PGM2: variants seen among roughly 807,000 people sequenced by gnomAD.
PGM2 encodes the protein phosphopentomutase.
Under a neutral mutation model 74.6 loss-of-function variants are expected in PGM2, and 57 were observed. The observed-to-expected ratio is 0.76, with a 90% CI of 0.62 to 0.95. The LOEUF is 0.95. Ranked by LOEUF, PGM2 falls within the 40% of genes least tolerant of loss-of-function variation. The pLI is 0.00. For missense variants in PGM2, 706 were observed against 741.9 expected (o/e 0.95, Z 0.56); for synonymous variants, 273 against 260.7 (o/e 1.05, Z -0.46).
intron 6 of PGM2, among the ~76,000 whole-genome samples, 197 bp from the exon 7 acceptor site, chr4:37,844,167 A>T (rs1282050316): frequency 4.6e-5 from 7 of 152,220 alleles, no homozygotes; most frequent in African/African-American, 1.4e-4. Flanking sequence ...TTTGCTGAAA[A>T]TAACTACAGA....
At chr4:37,842,852 A>G (rs1725767965) in intron 6 of PGM2, among the ~76,000 whole-genome samples, 1 of 152,116 alleles carries the variant, frequency 6.6e-6, no homozygotes, top group Admixed American at 6.5e-5. Flanking sequence ...TTGTAGAGAT[A>G]GGGTTTCACC....
In PGM2 at chr4:37,847,249, AAT is replaced by A. The variant is rs1303738685; in HGVS notation, c.1238_1239del (p.Ile413ArgfsTer11). 2 of 1,613,830 alleles carry A rather than the reference AAT, an allele frequency of 1.2e-6. No homozygotes were observed. Among genetic ancestry groups the A allele is most frequent in the East Asian group, 4.5e-5 (2 of 44,888 alleles). On this transcript the variant is annotated frameshift_variant, in exon 10 of 14. Transcript: ENST00000381967. LOFTEE classifies it high-confidence loss of function. ...KWMGNRAKQL[I>X]DQGKTVLFAF... ...GGATGGGAAACAGAGCCAAACAGCT[AAT>A]AGACCAGGGGAAAACTGTTTTATTT...
At position 37,839,884 on chromosome 4, in the gene PGM2, A is replaced by G. The variant is rs765440396; in HGVS notation, c.478A>G (p.Ile160Val). Residue 160 changes from isoleucine to valine, a missense_variant, in exon 5 of 14, where the codon ATC becomes GTC. Ile to Val is a conservative substitution (Grantham distance 29). Around this residue, in one of 3 missense-constraint regions of PGM2, gnomAD observed 332 missense variants for 334.9 expected, o/e 0.99. Transcript: ENST00000381967. ...ATCACATTTGAAACTTTGTGCTGGA[A>G]TCATGATAACTGCATCTCACAATCC... The part of the protein sequence containing the change: ...TVSHLKLCAG[I>V]MITASHNPKQ... 3.1e-6 allele frequency: 5 copies of G among 1,608,198 alleles called. 1 individual carries two copies. The South Asian group carries it at 4.4e-5, about 14-fold the overall frequency.
At position 37,862,884 on chromosome 4, in the gene PGM2, A is replaced by G. The variant is rs536903154; in HGVS notation, c.*1272A>G. 1.3e-5 allele frequency: 2 copies of G among 152,204 alleles called. No individual in the cohort carries two copies. Among genetic ancestry groups the G allele is most frequent in the East Asian group, 1.9e-4 (1 of 5,168 alleles). 9.4% of individuals were successfully genotyped at this position (152,204 alleles called of 1,614,324 possible). On this transcript the variant is annotated 3_prime_UTR_variant, in exon 14 of 14. Coordinates refer to ENST00000381967, the MANE Select transcript of PGM2 (RefSeq NM_018290.4). ...TAGAAGCCATATTTATGTTTATTTT[A>G]TAATGTTTTCTAGTGTCAAACTGTA...
At chr4:37,838,077 C>A (rs1355381739) in intron 4 of PGM2, among the ~76,000 whole-genome samples, 6 of 152,160 alleles carry the variant, frequency 3.9e-5, no homozygotes, top group Non-Finnish European at 8.8e-5. Context: ...GACGAGGTTT[C>A]ACCACGTTGG....
chr4:37,837,651 GATC>G (rs749553892), intron 4 of PGM2, 38 bp downstream of exon 4: 1 of 1,293,160 alleles, frequency 7.7e-7, no homozygotes, highest in Non-Finnish European at 1.1e-6. Context: ...CCTGTCACAT[GATC>G]AGGGATGGGA....
In PGM2 at chr4:37,834,636, GA is replaced by G; in HGVS notation, c.273del (p.Lys91AsnfsTer6). 1 of 1,584,192 alleles carries G rather than the reference GA, an allele frequency of 6.3e-7. No homozygotes were observed. Among genetic ancestry groups the G allele is most frequent in the Non-Finnish European group, 8.7e-7 (1 of 1,155,690 alleles). On this transcript the variant is annotated frameshift_variant, in exon 3 of 14. Coordinates refer to ENST00000381967, the MANE Select transcript of PGM2 (RefSeq NM_018290.4). LOFTEE classifies it high-confidence loss of function. ...QTTQGFCRYLEKQFSDLKQKG... is the reference protein window; with the variant it reads ...QTTQGFCRYLXKQFSDLKQKG... ...TTTGTAGGGATTTTGCAGATACCTGGAAAAACAATTCAGTGACTTAAAGCAG... is the reference window on the plus strand; with the variant it reads ...TTTGTAGGGATTTTGCAGATACCTGGAAAACAATTCAGTGACTTAAAGCAG...
At chr4:37,829,327 A>T (rs1056235986) in intron 1 of PGM2, among the ~76,000 whole-genome samples, 1 of 152,216 alleles carries the variant, frequency 6.6e-6, no homozygotes, top group Non-Finnish European at 1.5e-5. Flanking sequence ...AGGCTTCCCC[A>T]TCTATAAAAT....
At chr4:37,837,692 C>T in intron 4 of PGM2, 79 bp downstream of exon 4, 1 of 875,468 alleles carries the variant, frequency 1.1e-6, no homozygotes, top group East Asian at 2.4e-5. Context: ...GTCTTTAGGG[C>T]TATTGGGATT....
intron 1 of PGM2, among the ~76,000 whole-genome samples, chr4:37,827,043 A>G (rs1447414646): frequency 1.3e-5 from 2 of 152,224 alleles, no homozygotes; most frequent in African/African-American, 4.8e-5. Context: ...GAAACCAGCC[A>G]TCCGGCCGGC....
At chr4:37,845,816 T>C in intron 8 of PGM2, 86 bp downstream of exon 8, 1 of 874,142 alleles carries the variant, frequency 1.1e-6, no homozygotes, top group South Asian at 1.4e-5. Context: ...AGACGGGACC[T>C]ATTTGGAAAC....
chr4:37,837,877 G>C (rs1251472298), intron 4 of PGM2, among the ~76,000 whole-genome samples: 1 of 134,852 alleles, frequency 7.4e-6, no homozygotes, highest in East Asian at 2.0e-4. Context: ...GTATTCGAGA[G>C]AGTCAGCAAA....
intron 4 of PGM2, among the ~76,000 whole-genome samples, chr4:37,838,735 TACC>T: frequency 6.6e-6 from 1 of 152,224 alleles, no homozygotes; most frequent in Admixed American, 6.5e-5. Context: ...GCATCCTAAT[TACC>T]TTCTGTACTA....
chr4:37,840,686 G>A (rs1725685178), intron 6 of PGM2, among the ~76,000 whole-genome samples: 1 of 152,102 alleles, frequency 6.6e-6, no homozygotes, highest in Non-Finnish European at 1.5e-5. Context: ...CGCCCACCCA[G>A]CTGCATCTGA....
chr4:37,857,224 T>C (rs994515205), intron 13 of PGM2, among the ~76,000 whole-genome samples: 1 of 152,232 alleles, frequency 6.6e-6, no homozygotes, highest in Non-Finnish European at 1.5e-5. Context: ...TTTCAAGTTC[T>C]TAGTAGCCAC....
intron 6 of PGM2, 120 bp downstream of exon 6, chr4:37,840,379 A>G: frequency 1.6e-6 from 1 of 620,028 alleles, no homozygotes; most frequent in Non-Finnish European, 2.8e-6. Context: ...ATCTGATTTT[A>G]TTTTATTTTA....
Position 37,861,536 on chromosome 4 carries a change from T to A in PGM2, c.1763T>A (p.Leu588Gln), listed in dbSNP as rs1259021705. The A allele has an allele frequency of 6.2e-7, 1 of 1,612,660 alleles. No individual in the cohort carries two copies. Among genetic ancestry groups the A allele is most frequent in the African/African-American group, 1.3e-5 (1 of 75,022 alleles). The change falls in exon 14 of 14, where the codon CTG (leucine) becomes CAG (glutamine). Residue 588 changes from leucine to glutamine, a missense_variant. Around this residue, in one of 3 missense-constraint regions of PGM2, gnomAD observed 359 missense variants for 371.1 expected, o/e 0.97. Transcript: ENST00000381967. ...GATCCTGAGCAGCTGAAGAAGGAAC[T>A]GAATGAACTGGTCAGTGCTATTGAA... ...NSDPEQLKKELNELVSAIEEH... is the reference protein window; with the variant it reads ...NSDPEQLKKEQNELVSAIEEH...
intron 13 of PGM2, among the ~76,000 whole-genome samples, chr4:37,858,325 A>C (rs1441685025): frequency 1.3e-5 from 2 of 148,242 alleles, no homozygotes; most frequent in East Asian, 3.9e-4. Context: ...ACAGCAATAA[A>C]GTTTTTTTTG....
intron 11 of PGM2, among the ~76,000 whole-genome samples, chr4:37,849,309 AG>A (rs1698016573): frequency 6.6e-6 from 1 of 151,866 alleles, no homozygotes; most frequent in African/African-American, 2.4e-5. Flanking sequence ...GCATCCAAAG[AG>A]AATACAGAAA....
Sources: gnomAD v4.1 joint callset for allele counts (sites outside exome capture counted in the v4.1 genomes callset) on GRCh38, gnomAD v4.1.1 for gene constraint, gnomAD v4.1.1 regional missense constraint, MANE v1.5 for transcripts, NCBI Gene and HGNC (gene_info 2026-07-23, HGNC 2026-07-21) for gene names.